CNTNAP5: variants seen among roughly 807,000 people sequenced by gnomAD.
CNTNAP5 encodes contactin-associated protein-like 5.
Under a neutral mutation model 150.2 loss-of-function variants are expected in CNTNAP5, and 72 were observed. The ratio of observed to expected loss-of-function variants is 0.48; its 90% confidence interval spans 0.40 to 0.58. The LOEUF (loss-of-function observed/expected upper bound fraction) is 0.58, where lower values mean the gene tolerates loss of function less well. Ranked by LOEUF, CNTNAP5 falls within the 20% of genes least tolerant of loss-of-function variation. The probability of loss-of-function intolerance (pLI) is 0.00; values close to 1 mark genes in which losing one functional copy is unlikely to be tolerated. For missense variants in CNTNAP5, 1,636 were observed against 1,626.2 expected (o/e 1.01, Z -0.10); for synonymous variants, 672 against 619.8 (o/e 1.08, Z -1.25).
rs764162661 is a variant in CNTNAP5 at position 124,771,977 on chromosome 2, CCAT to C, written c.2534-813_2534-811del. On this transcript the variant is annotated intron_variant, in intron 16 of 23. Coordinates refer to ENST00000682447, the MANE Select transcript of CNTNAP5 (RefSeq NM_001367498.1). ...ATCACCACCATTGCCACGACCACCA[CCAT>C]CATCATCACCACCACCACCATCACC... 9.2e-5 allele frequency among the ~76,000 whole-genome samples: 14 copies of C among 151,598 alleles called. No individual in the cohort carries two copies. The South Asian group carries it at 1.7e-3, about 18-fold the overall frequency.
At chr2:124,525,483 G>A (rs1338381057) in intron 9 of CNTNAP5, among the ~76,000 whole-genome samples, 7 of 152,196 alleles carry the variant, frequency 4.6e-5, no homozygotes, top group Admixed American at 1.3e-4. Flanking sequence ...TTAGTAAATT[G>A]AAGAGAAGTA....
At chr2:124,552,222 C>A (rs1161098283) in intron 10 of CNTNAP5, among the ~76,000 whole-genome samples, 3 of 152,138 alleles carry the variant, frequency 2.0e-5, no homozygotes. Context: ...AAGTAGAGGG[C>A]AGTCGGCTAG....
chr2:124,610,809 A>G (rs2104985332), intron 12 of CNTNAP5, among the ~76,000 whole-genome samples: 1 of 152,174 alleles, frequency 6.6e-6, no homozygotes, highest in East Asian at 1.9e-4. Context: ...AAATACAAAA[A>G]TTAGCTGGGT....
chr2:124,698,810 TC>T (rs2105087444), intron 13 of CNTNAP5, among the ~76,000 whole-genome samples: 1 of 152,190 alleles, frequency 6.6e-6, no homozygotes, highest in East Asian at 1.9e-4. Flanking sequence ...TCTGAGGATT[TC>T]CCACCCCCTA....
Position 124,647,954 on chromosome 2 carries a change from G to T in CNTNAP5, c.2073G>T (p.Thr691=), listed in dbSNP as rs766430011. The T allele has an allele frequency of 7.6e-5, 121 of 1,593,742 alleles. No individual in the cohort carries two copies. Among genetic ancestry groups the T allele is most frequent in the Non-Finnish European group, 9.4e-5 (110 of 1,170,664 alleles). ...GCAGGAGGTCCCGCCTGCTCAACAC[G>T]CCGGGTAAGGCCTCTGCATGCATGA... ...YHCRRSRLLN[T]PDGTPFTWWI... Residue 691 remains threonine, a synonymous_variant, in exon 13 of 24, where the codon ACG becomes ACT. Coordinates refer to ENST00000682447, the MANE Select transcript of CNTNAP5 (RefSeq NM_001367498.1).
chr2:124,462,722 G>T (rs138278139), intron 6 of CNTNAP5, among the ~76,000 whole-genome samples: 2 of 152,296 alleles, frequency 1.3e-5, no homozygotes, highest in African/African-American at 4.8e-5. Context: ...GTGTTTGTAA[G>T]CCTGAGGCAA....
intron 3 of CNTNAP5, among the ~76,000 whole-genome samples, chr2:124,313,003 C>T (rs1688872852): frequency 6.6e-6 from 1 of 152,216 alleles, no homozygotes; most frequent in South Asian, 2.1e-4. Context: ...CCACGCCTGG[C>T]CAGTGATCAG....
chr2:124,711,044 G>T (rs35573505), intron 13 of CNTNAP5, among the ~76,000 whole-genome samples: 24,700 of 151,980 alleles, frequency 0.16, 2,266 homozygotes, highest in East Asian at 0.24. Flanking sequence ...AGGCAGAGGC[G>T]GGTGGATTAC....
chr2:124,164,661 G>C (rs980377714), intron 1 of CNTNAP5, among the ~76,000 whole-genome samples: 7 of 152,162 alleles, frequency 4.6e-5, no homozygotes, highest in African/African-American at 1.7e-4. Flanking sequence ...TGGAAATACG[G>C]AAGAGAAAGG....
intron 1 of CNTNAP5, among the ~76,000 whole-genome samples, chr2:124,052,740 C>T (rs1394524374): frequency 2.6e-5 from 4 of 152,168 alleles, no homozygotes; most frequent in Non-Finnish European, 4.4e-5. Flanking sequence ...AAATAAGAAC[C>T]TAAGTAGCCT....
Position 124,221,696 on chromosome 2 carries a change from T to C in CNTNAP5, c.83-9T>C, listed in dbSNP as rs1558807413. On this transcript the variant is annotated splice_polypyrimidine_tract_variant and intron_variant, in intron 1 of 23. Transcript: ENST00000682447. ...TGGTCTCTCTCCCTCTGTCCTCCTA[T>C]CATTATAGACAACTGTGATGATCCA... The C allele has an allele frequency of 1.3e-6, 2 of 1,574,680 alleles. No homozygotes were observed. The highest frequency in any genetic ancestry group is 1.7e-6 in the Non-Finnish European group (2 of 1,146,766).
At chr2:124,876,311 A>G (rs1320763098) in intron 21 of CNTNAP5, among the ~76,000 whole-genome samples, 2 of 151,962 alleles carry the variant, frequency 1.3e-5, no homozygotes, top group African/African-American at 4.8e-5. Flanking sequence ...GAGAGTGGAG[A>G]TAGTTCAGCG....
chr2:124,859,377 T>C (rs1010627156), intron 19 of CNTNAP5, among the ~76,000 whole-genome samples: 3 of 152,326 alleles, frequency 2.0e-5, no homozygotes, highest in South Asian at 2.1e-4. Flanking sequence ...TCATACCAGT[T>C]AGAATGGCAA....
Position 124,772,866 on chromosome 2 carries a change from T to G in CNTNAP5, c.2601T>G (p.Pro867=). ...CTGTGGAGCTTGTAGTCCAGTCTCC[T>G]TCTCTTCTGAATGACAACCAATGGC... ...NGPVELVVQS[P]SLLNDNQWHY... Residue 867 remains proline, a synonymous_variant, in exon 17 of 24, where the codon CCT becomes CCG. Transcript: ENST00000682447. The G allele has an allele frequency of 1.9e-6, 3 of 1,613,754 alleles. No homozygotes were observed. Among genetic ancestry groups the G allele is most frequent in the Non-Finnish European group, 1.7e-6 (2 of 1,179,706 alleles).
chr2:124,842,514 C>A (rs1682964986), intron 19 of CNTNAP5, among the ~76,000 whole-genome samples: 1 of 152,130 alleles, frequency 6.6e-6, no homozygotes, highest in African/African-American at 2.4e-5. Context: ...GAACAGAGTC[C>A]CATGGAAGAG....
intron 2 of CNTNAP5, among the ~76,000 whole-genome samples, chr2:124,240,820 C>G (rs1686867291): frequency 6.6e-6 from 1 of 152,166 alleles, no homozygotes; most frequent in Non-Finnish European, 1.5e-5. Flanking sequence ...CCCTCTATCA[C>G]TCTGTCTGCA....
rs1018066274 is a variant in CNTNAP5 at position 124,504,567 on chromosome 2, C to T, written c.1327+11C>T. 6.2e-7 allele frequency: 1 copy of T among 1,611,928 alleles called. No homozygotes were observed. The highest frequency in any genetic ancestry group is 1.7e-5 in the Admixed American group (1 of 59,924). ...CTGAAATCCTCACAGGTACTGTCTG[C>T]TGACACTCTGGATCAGCTTCTTGTT... On this transcript the variant is annotated intron_variant, in intron 8 of 23. Transcript: ENST00000682447.
intron 3 of CNTNAP5, among the ~76,000 whole-genome samples, chr2:124,330,792 A>G (rs1414593428): frequency 6.6e-6 from 1 of 152,168 alleles, no homozygotes; most frequent in African/African-American, 2.4e-5. Flanking sequence ...TGCTTCAATT[A>G]TGTTTACAAA....
chr2:124,343,210 A>C (rs1199319721), intron 3 of CNTNAP5, among the ~76,000 whole-genome samples: 1 of 152,216 alleles, frequency 6.6e-6, no homozygotes, highest in African/African-American at 2.4e-5. Context: ...ACAATAATTA[A>C]ATGTAATAAC....
Sources: allele counts gnomAD v4.1 joint callset (sites outside exome capture counted in the v4.1 genomes callset), GRCh38; gene constraint gnomAD v4.1.1; transcripts MANE v1.5; gene names NCBI Gene and HGNC (gene_info 2026-07-23, HGNC 2026-07-21).